The following BOC variants were observed in gnomAD, a reference collection of about 807,000 sequenced individuals.
BOC encodes BOC cell adhesion associated, oncogene regulated.
In BOC, 76 loss-of-function variants were observed where a neutral mutation model predicts 112.0. That is an observed-to-expected ratio of 0.68 (90% CI 0.56 to 0.82). The LOEUF (loss-of-function observed/expected upper bound fraction) is 0.82, where lower values mean the gene tolerates loss of function less well. Among genes scored for constraint, BOC ranks in the 40% least tolerant of loss-of-function variants. The probability of loss-of-function intolerance (pLI) is 0.00; values close to 1 mark genes in which losing one functional copy is unlikely to be tolerated. For synonymous variants in BOC, 580 were observed against 599.8 expected (o/e 0.97, Z 0.48); for missense variants, 1,309 against 1,511.7 (o/e 0.87, Z 2.22).
chr3:113,236,262 G>GTATATATACCCA (rs1943446649), intron 2 of BOC, among the ~76,000 whole-genome samples: 2 of 26,646 alleles, frequency 7.5e-5, no homozygotes, highest in African/African-American at 1.4e-4. Context: ...GTGTGTGTGT[G>GTATATATACCCA]TGTGTATATA....
At position 113,287,002 on chromosome 3, in the gene BOC, T is replaced by C. The variant is rs2107777859; in HGVS notation, c.*140T>C. ...ATTTATGCACTTGTAAATAAATGTA[T>C]ATGTTTTATAATTCTGGAGAGACAT... On this transcript the variant is annotated 3_prime_UTR_variant, in exon 20 of 20. Transcript: ENST00000682979. 1.0e-6 allele frequency: 1 copy of C among 954,396 alleles called. No individual in the cohort carries two copies. The highest frequency in any genetic ancestry group is 1.6e-6 in the Non-Finnish European group (1 of 627,264). The allele number at this position is 954,396 out of a possible 1,614,324, so 59.1% of individuals were successfully genotyped here.
intron 18 of BOC, 49 bp downstream of exon 18, chr3:113,284,907 C>A (rs1186973725): frequency 6.5e-7 from 1 of 1,537,310 alleles, no homozygotes. Flanking sequence ...GCCTCACTTT[C>A]CCTTTAGCTC....
chr3:113,226,124 T>C (rs1941619031), intron 2 of BOC, among the ~76,000 whole-genome samples: 1 of 152,186 alleles, frequency 6.6e-6, no homozygotes, highest in African/African-American at 2.4e-5. Context: ...GTTATTGTTC[T>C]TTTCTTTCCT....
In BOC at chr3:113,259,570, G is replaced by GT. The variant is rs1487501718; in HGVS notation, c.377-8728dup. Among the ~76,000 whole-genome samples, 4 of 152,224 alleles carry GT rather than the reference G, an allele frequency of 2.6e-5. No individual in the cohort carries two copies. In the East Asian group the frequency reaches 7.7e-4, roughly 29 times the overall value. On this transcript the variant is annotated intron_variant, in intron 4 of 19. Coordinates refer to ENST00000682979, the MANE Select transcript of BOC (RefSeq NM_001378074.1). ...CACCTCAGCATCCCCTGTTTCTCGT[G>GT]TGTGTGTGGAAAAGTTGAGCAATTT...
chr3:113,232,200 T>C (rs1450854094), intron 2 of BOC, among the ~76,000 whole-genome samples: 1 of 152,062 alleles, frequency 6.6e-6, no homozygotes, highest in Non-Finnish European at 1.5e-5. Context: ...CAAGGCTCCA[T>C]GTGTTTGTTT....
chr3:113,272,837 C>A, intron 7 of BOC, 134 bp downstream of exon 7: 1 of 1,194,396 alleles, frequency 8.4e-7, no homozygotes, highest in Non-Finnish European at 1.2e-6. Flanking sequence ...AACAGGCATG[C>A]TGAAGAGTCA....
At chr3:113,283,955 C>T (rs934224651) in intron 16 of BOC, among the ~76,000 whole-genome samples, 30 of 152,186 alleles carry the variant, frequency 2.0e-4, no homozygotes, top group African/African-American at 7.0e-4. Context: ...TCCCTGGGTG[C>T]GGAGCTGCCT....
At chr3:113,232,415 G>C (rs1165435522) in intron 2 of BOC, among the ~76,000 whole-genome samples, 1 of 152,236 alleles carries the variant, frequency 6.6e-6, no homozygotes, top group African/African-American at 2.4e-5. Context: ...AAGGATTGGG[G>C]ATGAAGTTGG....
rs956128885 is a variant in BOC at position 113,284,859 on chromosome 3, G to A, written c.2966+1G>A. The A allele has an allele frequency of 6.2e-7, 1 of 1,613,988 alleles. No homozygotes were observed. The highest frequency in any genetic ancestry group is 8.5e-7 in the Non-Finnish European group (1 of 1,179,858). On this transcript the variant is annotated splice_donor_variant, in intron 18 of 19. Transcript: ENST00000682979. LOFTEE classifies it high-confidence loss of function. ...ACCCCCAAAGTCACCAGATCACGAG[G>A]TAACCAGGCCTCTCCCCTTTCACTC...
chr3:113,286,692 G>A lies in BOC; in HGVS notation c.3178G>A (p.Gly1060Ser), dbSNP rs747188084. ...PFHSGPPCCL[G>S]LVPVEEVDSP... ...CCCCTCAGGGCCCCCATGCTGCTTG[G>A]GCCTTGTGCCAGTTGAAGAGGTGGA... Residue 1060 changes from glycine (G) to serine (S), a missense_variant, in exon 20 of 20, where the codon GGC (glycine) becomes AGC (serine). Physicochemically the swap from Gly to Ser is moderately conservative, Grantham distance 56. Coordinates refer to ENST00000682979, the MANE Select transcript of BOC (RefSeq NM_001378074.1). The A allele has an allele frequency of 6.3e-7, 1 of 1,597,172 alleles. No homozygotes were observed. The highest frequency in any genetic ancestry group is 8.5e-7 in the Non-Finnish European group (1 of 1,173,000).
In BOC at chr3:113,236,294, A is replaced by G. The variant is rs1559821812; in HGVS notation, c.-81-13428A>G. Among the ~76,000 whole-genome samples, 11 of 98,912 alleles carry G rather than the reference A, an allele frequency of 1.1e-4. 2 individuals carry two copies. Among genetic ancestry groups the G allele is most frequent in the African/African-American group, 3.6e-4 (7 of 19,380 alleles). 64.9% of individuals were successfully genotyped at this position (98,912 alleles called of 152,430 possible). ...TATATACCCATGGGTATATATATATATATATATATATATATATACCCATGG... is the reference window on the plus strand; with the variant it reads ...TATATACCCATGGGTATATATATATGTATATATATATATATATACCCATGG... On this transcript the variant is annotated intron_variant, in intron 2 of 19. Transcript: ENST00000682979.
At chr3:113,241,705 T>A (rs936457221) in intron 2 of BOC, among the ~76,000 whole-genome samples, 2 of 152,388 alleles carry the variant, frequency 1.3e-5, no homozygotes. Flanking sequence ...AGCTCCGTTC[T>A]GCCTGTTAGT....
At chr3:113,245,787 C>T (rs1944849391) in intron 2 of BOC, among the ~76,000 whole-genome samples, 2 of 152,262 alleles carry the variant, frequency 1.3e-5, no homozygotes, top group African/African-American at 4.8e-5. Flanking sequence ...TCTGCTACAT[C>T]ACACTCTCTC....
Position 113,285,519 on chromosome 3 carries a change from C to G in BOC, c.3114C>G (p.Pro1038=), listed in dbSNP as rs144450810. Residue 1038 remains proline (P), a synonymous_variant, in exon 19 of 20, where the codon CCC becomes CCG. Transcript: ENST00000682979. ...GCCAGTCAGGGGTGAGGAGAGCCCC[C>G]GACAGTCCTGTCCTGGAAGCAGTGT... The part of the protein sequence containing the change: ...AVGQSGVRRA[P]DSPVLEAVWD... The G allele has an allele frequency of 6.2e-6, 10 of 1,611,528 alleles. No homozygotes were observed. The African/African-American group carries it at 1.3e-4, about 22-fold the overall frequency.
chr3:113,252,536 C>G (rs2107435165), intron 4 of BOC, among the ~76,000 whole-genome samples: 1 of 152,230 alleles, frequency 6.6e-6, no homozygotes, highest in South Asian at 2.1e-4. Flanking sequence ...GATGGAGAAG[C>G]AGTAACAGAA....
intron 2 of BOC, among the ~76,000 whole-genome samples, chr3:113,217,948 A>G (rs1326103377): frequency 3.3e-5 from 5 of 152,208 alleles, no homozygotes; most frequent in Non-Finnish European, 7.3e-5. Context: ...TCCTAGAAAT[A>G]CATGCCTGAA....
At chr3:113,235,332 A>G (rs1442501902) in intron 2 of BOC, among the ~76,000 whole-genome samples, 1 of 152,222 alleles carries the variant, frequency 6.6e-6, no homozygotes, top group Admixed American at 6.5e-5. Flanking sequence ...GGATGGAGAA[A>G]AAGAACAGGT....
chr3:113,240,484 G>A (rs939916935), intron 2 of BOC, among the ~76,000 whole-genome samples: 1 of 152,162 alleles, frequency 6.6e-6, no homozygotes, highest in African/African-American at 2.4e-5. Flanking sequence ...CAAGTTGTTT[G>A]TCACCAGTAG....
intron 2 of BOC, among the ~76,000 whole-genome samples, chr3:113,237,263 G>T (rs964403168): frequency 6.6e-6 from 1 of 152,212 alleles, no homozygotes; most frequent in Non-Finnish European, 1.5e-5. Context: ...CATCATGGGA[G>T]CTGGGGTAAA....
Sources: gnomAD v4.1 joint callset for allele counts (sites outside exome capture counted in the v4.1 genomes callset) on GRCh38, gnomAD v4.1.1 for gene constraint, MANE v1.5 for transcripts, NCBI Gene and HGNC (gene_info 2026-07-23, HGNC 2026-07-21) for gene names.